ROBO2: variants seen among roughly 807,000 people sequenced by gnomAD.
ROBO2 encodes the protein roundabout guidance receptor 2, also known as roundabout homolog 2.
In ROBO2, 53 loss-of-function variants were observed where a neutral mutation model predicts 160.8. The observed-to-expected ratio is 0.33, with a 90% confidence interval of 0.26 to 0.41. The LOEUF is 0.41. Ranked by LOEUF, ROBO2 falls within the 10% of genes least tolerant of loss-of-function variation. The probability of loss-of-function intolerance (pLI) is 1.00; values close to 1 mark genes in which losing one functional copy is unlikely to be tolerated. For synonymous variants in ROBO2, 664 were observed against 611.7 expected (o/e 1.09, Z -1.26); for missense variants, 1,577 against 1,722.4 (o/e 0.92, Z 1.49).
chr3:77,445,069 G>A (rs1021467434), intron 2 of ROBO2, among the ~76,000 whole-genome samples: 4 of 152,056 alleles, frequency 2.6e-5, no homozygotes, highest in Admixed American at 6.6e-5. Flanking sequence ...GTTTGGTGAC[G>A]TCAACTGCCA....
chr3:77,212,626 G>C (rs2084336489), intron 2 of ROBO2, among the ~76,000 whole-genome samples: 1 of 152,134 alleles, frequency 6.6e-6, no homozygotes, highest in Non-Finnish European at 1.5e-5. Flanking sequence ...AATAGGAGTG[G>C]TGAGAGAGGG....
At chr3:77,275,661 T>C (rs2059778227) in intron 2 of ROBO2, among the ~76,000 whole-genome samples, 1 of 152,180 alleles carries the variant, frequency 6.6e-6, no homozygotes, top group Admixed American at 6.6e-5. Context: ...AAATAAAATC[T>C]TTTTCTCCTC....
In ROBO2 at chr3:77,323,814, A is replaced by G. The variant is rs563053429; in HGVS notation, c.389-153600A>G. Among the ~76,000 whole-genome samples the G allele has an allele frequency of 5.1e-4, 78 of 152,296 alleles. No individual in the cohort carries two copies. The South Asian group carries it at 0.015, about 30-fold the overall frequency. On this transcript the variant is annotated intron_variant, in intron 2 of 25. Coordinates refer to ENST00000461745, the Ensembl canonical transcript of ROBO2. ...CATGTGTAAGACAAAGGGTATTTTC[A>G]GTAGGCTTGGAAATCACTTGGCATT...
rs1213716448 is a variant in ROBO2 at position 76,985,576 on chromosome 3, A to G, written c.110-112438A>G. 5.1e-4 allele frequency among the ~76,000 whole-genome samples: 23 copies of G among 44,836 alleles called. No homozygotes were observed. In the South Asian group the frequency reaches 9.8e-3, roughly 19 times the overall value. The allele number at this position is 44,836 out of a possible 152,430, so 29.4% of individuals were successfully genotyped here. A position where few individuals can be genotyped will look rare whatever the true frequency, so the allele number is the denominator to read the frequency against. The stretch of plus-strand genomic sequence containing the variant: ...GGGCGACAAAGCGAGACTCCGTCTG[A>G]AAAAAAAAAAAAAAAAAAAAAAAAA... On this transcript the variant is annotated intron_variant, in intron 2 of 26. Coordinates refer to the ROBO2 transcript ENST00000487694.
intron 2 of ROBO2, among the ~76,000 whole-genome samples, chr3:77,216,928 G>T (rs942195407): frequency 6.6e-6 from 1 of 151,942 alleles, no homozygotes; most frequent in Non-Finnish European, 1.5e-5. Flanking sequence ...GGAGACCAGG[G>T]CATAAAGCCA....
At chr3:76,210,086 A>C (rs1356864332) in intron 2 of ROBO2, among the ~76,000 whole-genome samples, 2 of 152,106 alleles carry the variant, frequency 1.3e-5, no homozygotes, top group African/African-American at 4.8e-5. Context: ...TAAAATGAAA[A>C]CTGCAGATAT....
intron 2 of ROBO2, among the ~76,000 whole-genome samples, chr3:77,293,753 A>G (rs190398941): frequency 7.0e-6 from 1 of 142,110 alleles, no homozygotes; most frequent in African/African-American, 2.8e-5. Context: ...CTGAGGCTAG[A>G]TCACCCCAGA....
intron 2 of ROBO2, among the ~76,000 whole-genome samples, chr3:77,395,694 C>T (rs779323165): frequency 2.6e-5 from 4 of 152,002 alleles, no homozygotes; most frequent in Non-Finnish European, 4.4e-5. Flanking sequence ...TACAATTCTT[C>T]TTTTATGAGA....
chr3:77,096,058 TA>T (rs767629496), intron 1 of ROBO2, among the ~76,000 whole-genome samples: 6 of 152,176 alleles, frequency 3.9e-5, no homozygotes, highest in Non-Finnish European at 5.9e-5. Flanking sequence ...TTCAAAAAAA[TA>T]AAGTTCATTT....
intron 1 of ROBO2, among the ~76,000 whole-genome samples, chr3:77,056,100 T>C (rs2065717604): frequency 6.6e-6 from 1 of 152,168 alleles, no homozygotes; most frequent in Non-Finnish European, 1.5e-5. Context: ...AATATCTGAG[T>C]TGCAGCTTTG....
At chr3:77,467,595 CT>C (rs2153577166) in intron 2 of ROBO2, among the ~76,000 whole-genome samples, 1 of 142,860 alleles carries the variant, frequency 7.0e-6, no homozygotes, top group Non-Finnish European at 1.5e-5. Flanking sequence ...CTGTATCTAT[CT>C]ATCTATCTAT....
chr3:76,491,028 T>A (rs1008843618), intron 2 of ROBO2, among the ~76,000 whole-genome samples: 1 of 151,974 alleles, frequency 6.6e-6, no homozygotes, highest in Non-Finnish European at 1.5e-5. Context: ...GGTGCGATCT[T>A]GGCTTACTGC....
At chr3:76,502,493 A>C (rs1398760772) in intron 2 of ROBO2, among the ~76,000 whole-genome samples, 2 of 152,264 alleles carry the variant, frequency 1.3e-5, no homozygotes, top group African/African-American at 4.8e-5. Context: ...ACTGATATAA[A>C]TAAAATTTAA....
intron 6 of ROBO2, among the ~76,000 whole-genome samples, chr3:77,531,423 CT>C (rs2153635024): frequency 6.6e-6 from 1 of 151,198 alleles, no homozygotes; most frequent in South Asian, 2.1e-4. Context: ...AATGTTTCAA[CT>C]GCTTAACCAC....
intron 2 of ROBO2, among the ~76,000 whole-genome samples, chr3:76,191,910 C>A (rs1273856818): frequency 6.6e-6 from 1 of 152,044 alleles, no homozygotes; most frequent in African/African-American, 2.4e-5. Flanking sequence ...ATAACCTCAA[C>A]TCTTTCCCTA....
intron 2 of ROBO2, among the ~76,000 whole-genome samples, chr3:76,395,645 A>C (rs559645292): frequency 1.4e-4 from 22 of 152,072 alleles, no homozygotes; most frequent in East Asian, 3.9e-4. Context: ...GGGATATCAC[A>C]ACCGATCCCA....
intron 2 of ROBO2, among the ~76,000 whole-genome samples, chr3:77,180,922 A>G (rs912037045): frequency 6.6e-6 from 1 of 152,054 alleles, no homozygotes; most frequent in East Asian, 1.9e-4. Context: ...CTCAAGCAAA[A>G]TGATTTTTGA....
chr3:77,544,377 T>C (rs1431563151), intron 6 of ROBO2, among the ~76,000 whole-genome samples: 4 of 147,714 alleles, frequency 2.7e-5, no homozygotes, highest in African/African-American at 9.8e-5. Context: ...GATTCATAAA[T>C]CTGGGTTTTC....
chr3:76,340,213 T>TGAGTTAA (rs2074139667), intron 2 of ROBO2, among the ~76,000 whole-genome samples: 1 of 152,110 alleles, frequency 6.6e-6, no homozygotes, highest in South Asian at 2.1e-4. Flanking sequence ...AATACAAAGA[T>TGAGTTAA]GAGTTAAAAG....
Sources: allele counts gnomAD v4.1 joint callset (sites outside exome capture counted in the v4.1 genomes callset), GRCh38; gene constraint gnomAD v4.1.1; transcripts MANE v1.5; gene names NCBI Gene and HGNC (gene_info 2026-07-23, HGNC 2026-07-21).